Variants in PTPRD observed in about 807,000 individuals in gnomAD.
The protein encoded by PTPRD is protein tyrosine phosphatase receptor type D.
Under a neutral mutation model 214.5 loss-of-function variants are expected in PTPRD, and 34 were observed. The observed-to-expected ratio is 0.16, with a 90% CI of 0.12 to 0.21. The LOEUF (loss-of-function observed/expected upper bound fraction) is 0.21. Among genes scored for constraint, PTPRD ranks in the 10% least tolerant of loss-of-function variants. The pLI, the probability that PTPRD is intolerant of heterozygous loss-of-function variation, is 1.00. For missense variants in PTPRD, 2,545 were observed against 2,398.7 expected (o/e 1.06, Z -1.27); for synonymous variants, 1,128 against 845.7 (o/e 1.33, Z -5.79).
chr9:10,376,742 GGTTAT>G (rs2097735721), intron 2 of PTPRD, among the ~76,000 whole-genome samples: 1 of 151,726 alleles, frequency 6.6e-6, no homozygotes, highest in Non-Finnish European at 1.5e-5. Context: ...TGACTCTTTA[GGTTAT>G]GTTTTTATTT....
At chr9:9,601,166 T>C (rs62534669) in intron 7 of PTPRD, among the ~76,000 whole-genome samples, 1 of 87,090 alleles carries the variant, frequency 1.1e-5, no homozygotes, top group African/African-American at 4.5e-5. Context: ...GGGGGGAGAG[T>C]GGGGAGAGAG....
At chr9:8,906,857 C>G (rs2098711393) in intron 11 of PTPRD, among the ~76,000 whole-genome samples, 1 of 152,038 alleles carries the variant, frequency 6.6e-6, no homozygotes, top group African/African-American at 2.4e-5. Flanking sequence ...TTGCTAAACT[C>G]TACACATCCC....
At chr9:9,007,177 G>C (rs2099476851) in intron 11 of PTPRD, among the ~76,000 whole-genome samples, 1 of 151,828 alleles carries the variant, frequency 6.6e-6, no homozygotes, top group Non-Finnish European at 1.5e-5. Context: ...ATGAGGTTAT[G>C]AGTAGAGGTA....
intron 2 of PTPRD, among the ~76,000 whole-genome samples, chr9:10,551,735 C>G (rs2061410747): frequency 6.6e-6 from 1 of 152,146 alleles, no homozygotes; most frequent in Non-Finnish European, 1.5e-5. Flanking sequence ...CTTGAATGAA[C>G]TAAGACAACT....
chr9:8,427,374 T>C (rs1032643730), intron 35 of PTPRD, among the ~76,000 whole-genome samples: 5 of 152,164 alleles, frequency 3.3e-5, no homozygotes, highest in African/African-American at 1.2e-4. Flanking sequence ...TTGCTCCTGT[T>C]GTTGATACTA....
At chr9:9,381,372 T>C (rs1178538208) in intron 9 of PTPRD, among the ~76,000 whole-genome samples, 2 of 83,534 alleles carry the variant, frequency 2.4e-5, no homozygotes, top group African/African-American at 5.2e-5. Context: ...TTTTTTTTTA[T>C]TTTTTTTTTG....
At chr9:9,410,309 T>A (rs1216826429) in intron 8 of PTPRD, among the ~76,000 whole-genome samples, 3 of 152,222 alleles carry the variant, frequency 2.0e-5, no homozygotes, top group Non-Finnish European at 4.4e-5. Flanking sequence ...GTTCGTTCTG[T>A]GATTTGAACT....
chr9:8,557,455 T>TATACATAC, intron 14 of PTPRD, among the ~76,000 whole-genome samples: 1 of 135,630 alleles, frequency 7.4e-6, no homozygotes, highest in African/African-American at 3.5e-5. Context: ...TATATATATA[T>TATACATAC]ATTTGGGCCG....
At chr9:9,666,800 A>C (rs1287064175) in intron 7 of PTPRD, among the ~76,000 whole-genome samples, 2 of 152,024 alleles carry the variant, frequency 1.3e-5, no homozygotes, top group East Asian at 3.9e-4. Flanking sequence ...TTAATGTCAT[A>C]ATAATCTATC....
Position 8,733,904 on chromosome 9 carries a change from G to T in PTPRD, c.-61C>A. 5 of 1,492,526 alleles carry T rather than the reference G, an allele frequency of 3.4e-6. No homozygotes were observed. The highest frequency in any genetic ancestry group is 4.5e-6 in the Non-Finnish European group (5 of 1,100,064). The allele number at this position is 1,492,526 out of a possible 1,614,324, so 92.5% of individuals were successfully genotyped here. The stretch of plus-strand genomic sequence containing the variant: ...GAATCACTGCCTCCGGAGCCGCAGC[G>T]AGTCTGTCCGATCTGAAATTTCAGC... On this transcript the variant is annotated 5_prime_UTR_variant, in exon 12 of 46. Coordinates refer to ENST00000381196, the MANE Select transcript of PTPRD (RefSeq NM_002839.4).
At chr9:10,018,787 G>T (rs1305423640) in intron 4 of PTPRD, among the ~76,000 whole-genome samples, 1 of 151,530 alleles carries the variant, frequency 6.6e-6, no homozygotes, top group African/African-American at 2.4e-5. Flanking sequence ...CTGACCTCGT[G>T]ATCCGCCCGC....
chr9:9,777,042 T>C (rs993409214), intron 5 of PTPRD, among the ~76,000 whole-genome samples: 15 of 152,220 alleles, frequency 9.9e-5, no homozygotes, highest in Admixed American at 9.8e-4. Flanking sequence ...AGAGTTGTTT[T>C]ATAAACACAT....
intron 3 of PTPRD, among the ~76,000 whole-genome samples, chr9:10,301,598 A>C (rs2095863924): frequency 6.6e-6 from 1 of 152,210 alleles, no homozygotes; most frequent in Non-Finnish European, 1.5e-5. Context: ...GCTGAAAAAC[A>C]CAGCACAAGA....
chr9:8,958,250 C>A (rs1195236779), intron 11 of PTPRD, among the ~76,000 whole-genome samples: 1 of 151,810 alleles, frequency 6.6e-6, no homozygotes, highest in Admixed American at 6.6e-5. Context: ...TCCTGCTTGC[C>A]ACTTCTCTCT....
chr9:8,834,089 G>C (rs551745343), intron 11 of PTPRD, among the ~76,000 whole-genome samples: 1 of 151,950 alleles, frequency 6.6e-6, no homozygotes, highest in Non-Finnish European at 1.5e-5. Flanking sequence ...AGGAATCCTG[G>C]TAGAAATATA....
chr9:9,762,214 C>G (rs918102149), intron 6 of PTPRD, among the ~76,000 whole-genome samples: 5 of 152,130 alleles, frequency 3.3e-5, no homozygotes, highest in African/African-American at 4.8e-5. Context: ...ATGTTTGCAG[C>G]CAAAAAGCCC....
At chr9:9,506,223 T>C (rs1239356652) in intron 8 of PTPRD, among the ~76,000 whole-genome samples, 1 of 151,414 alleles carries the variant, frequency 6.6e-6, no homozygotes, top group Non-Finnish European at 1.5e-5. Context: ...TCCATGTTTA[T>C]TATACATTGC....
At chr9:10,023,716 G>C (rs1024691430) in intron 4 of PTPRD, among the ~76,000 whole-genome samples, 8 of 148,904 alleles carry the variant, frequency 5.4e-5, no homozygotes, top group African/African-American at 1.7e-4. Flanking sequence ...ATATTGAATT[G>C]CAATTTAGGG....
chr9:9,491,556 C>A (rs1490620838), intron 8 of PTPRD, among the ~76,000 whole-genome samples: 1 of 151,784 alleles, frequency 6.6e-6, no homozygotes, highest in Admixed American at 6.6e-5. Flanking sequence ...AATTAAGTCT[C>A]AATAGGTTAG....
Sources: allele counts gnomAD v4.1 joint callset (sites outside exome capture counted in the v4.1 genomes callset), GRCh38; gene constraint gnomAD v4.1.1; transcripts MANE v1.5; gene names NCBI Gene and HGNC (gene_info 2026-07-23, HGNC 2026-07-21).